DMD: variants seen among roughly 807,000 people sequenced by gnomAD.
DMD encodes dystrophin, also known as mutant dystrophin.
Under a neutral mutation model 330.1 loss-of-function variants are expected in DMD, and 63 were observed. The observed-to-expected ratio is 0.19, with a 90% confidence interval of 0.16 to 0.24. The LOEUF is 0.24. Among genes scored for constraint, DMD ranks in the 10% least tolerant of loss-of-function variants. The pLI, the probability that DMD is intolerant of heterozygous loss-of-function variation, is 1.00. For synonymous variants in DMD, 1,223 were observed against 959.8 expected, an observed-to-expected ratio of 1.27 and a Z score of -5.07; for missense variants, 3,344 against 2,684.1, an observed-to-expected ratio of 1.25 and a Z score of -5.43.
intron 26 of DMD, among the ~76,000 whole-genome samples, chrX:32,449,479 T>A (rs534868807): frequency 9.1e-6 from 1 of 109,907 alleles, no homozygotes; most frequent in East Asian, 2.9e-4. Context: ...CTGGACAAGA[T>A]ACGATACCCA....
intron 55 of DMD, among the ~76,000 whole-genome samples, chrX:31,529,894 C>G (rs1382621598): frequency 2.3e-5 from 2 of 88,121 alleles, no homozygotes; most frequent in Non-Finnish European, 4.3e-5. Context: ...AGAAAGATTT[C>G]TTTAAAAAAA....
chrX:32,677,536 TTTTG>T (rs1231739037), intron 9 of DMD, among the ~76,000 whole-genome samples: 1 of 111,728 alleles, frequency 9.0e-6, no homozygotes, highest in Non-Finnish European at 1.9e-5. Context: ...GGCACTGGAA[TTTTG>T]TTTCTTTCTA....
intron 16 of DMD, among the ~76,000 whole-genome samples, chrX:32,554,882 A>T: frequency 7.6e-5 from 1 of 13,101 alleles, no homozygotes; most frequent in Non-Finnish European, 1.2e-4. Flanking sequence ...AGGAAAGAAG[A>T]AAGAAAGAAA....
At chrX:32,197,685 T>C (rs1230770614) in intron 44 of DMD, among the ~76,000 whole-genome samples, 2 of 112,094 alleles carry the variant, frequency 1.8e-5, no homozygotes, top group African/African-American at 6.5e-5. Context: ...ATTTTATTTA[T>C]TTCAAATAAT....
rs2091980482 is a variant in DMD, at chrX:32,963,365, C to T, written c.93+56774G>A. Among the ~76,000 whole-genome samples, 3 of 111,866 alleles carry T rather than the reference C, an allele frequency of 2.7e-5. No individual in the cohort carries two copies. In the Admixed American group the frequency reaches 2.9e-4, roughly 11 times the overall value. ...CAAGAGGAAGAACACGTTGAGGTTG[C>T]ATACTAAGGTGTATTTTATATCTGA... On this transcript the variant is annotated intron_variant, in intron 2 of 78. Transcript: ENST00000357033.
chrX:31,736,853 G>A (rs1338018573), intron 51 of DMD, among the ~76,000 whole-genome samples: 2 of 110,274 alleles, frequency 1.8e-5, no homozygotes, highest in Non-Finnish European at 3.8e-5. Context: ...CCACCTATTC[G>A]GTTTACTATT....
intron 13 of DMD, among the ~76,000 whole-genome samples, chrX:32,579,174 C>A (rs1455108484): frequency 8.9e-6 from 1 of 111,868 alleles, no homozygotes; most frequent in Non-Finnish European, 1.9e-5. Context: ...AAGCACCATA[C>A]TATAAAATGG....
intron 2 of DMD, among the ~76,000 whole-genome samples, chrX:33,018,416 C>T (rs1489817762): frequency 9.0e-6 from 1 of 111,249 alleles, no homozygotes; most frequent in East Asian, 2.8e-4. Flanking sequence ...AAAAATATAC[C>T]GAATTGCTCT....
chrX:31,826,041 T>C (rs899480854), intron 49 of DMD, among the ~76,000 whole-genome samples: 1 of 112,300 alleles, frequency 8.9e-6, no homozygotes, highest in African/African-American at 3.2e-5. Context: ...CTCATTAAAA[T>C]AGTTACGATA....
At chrX:33,092,589 A>G (rs1165938062) in intron 1 of DMD, among the ~76,000 whole-genome samples, 1 of 110,976 alleles carries the variant, frequency 9.0e-6, no homozygotes, top group East Asian at 2.8e-4. Flanking sequence ...ATAACATACG[A>G]ATCAATTATT....
intron 44 of DMD, among the ~76,000 whole-genome samples, chrX:32,149,015 A>G (rs1481697856): frequency 8.9e-6 from 1 of 112,153 alleles, no homozygotes; most frequent in Non-Finnish European, 1.9e-5. Context: ...ATTTTCTTTT[A>G]TACCATTTTC....
chrX:31,800,397 T>A lies in DMD; in HGVS notation c.7309+19578A>T, dbSNP rs987630312. On this transcript the variant is annotated intron_variant, in intron 50 of 78. Transcript: ENST00000357033. ...GCCTGCACCCTCTGAAGCAACAGCC[T>A]GAGCTGTACTTTGGCTTCTTTGAGC... 3.6e-5 allele frequency among the ~76,000 whole-genome samples: 4 copies of A among 112,655 alleles called. No homozygotes were observed. The East Asian group carries it at 1.1e-3, about 32-fold the overall frequency.
chrX:31,809,975 C>T (rs1195471764), intron 50 of DMD, among the ~76,000 whole-genome samples: 1 of 110,737 alleles, frequency 9.0e-6, no homozygotes, highest in Admixed American at 9.7e-5. Context: ...GTCAAGCACG[C>T]GATCATTTAA....
At position 32,668,509 on chromosome X, in the gene DMD, T is replaced by C. The variant is rs1364684305; in HGVS notation, c.961-23357A>G. Among the ~76,000 whole-genome samples the C allele has an allele frequency of 2.7e-5, 3 of 112,263 alleles. No individual in the cohort carries two copies. The Admixed American group carries it at 2.8e-4, about 11-fold the overall frequency. ...GGCTTAAAAGGTTCCTTCGCATCTCTGCATTATTCACACATTGCTGTAGAA... is the reference window on the plus strand; with the variant it reads ...GGCTTAAAAGGTTCCTTCGCATCTCCGCATTATTCACACATTGCTGTAGAA... On this transcript the variant is annotated intron_variant, in intron 9 of 78. Coordinates refer to ENST00000357033, the MANE Select transcript of DMD (RefSeq NM_004006.3).
rs765678545 is a variant in DMD, at chrX:31,146,430, G to T, written c.10798-16C>A. ...CTGCCTGGGGCTAAGTCATCCAAAAGAAAACAGAATTACTTTTCATAATAA... is the reference window on the plus strand; with the variant it reads ...CTGCCTGGGGCTAAGTCATCCAAAATAAAACAGAATTACTTTTCATAATAA... On this transcript the variant is annotated splice_polypyrimidine_tract_variant and intron_variant, in intron 75 of 78. Transcript: ENST00000357033. 2 of 1,203,190 alleles carry T rather than the reference G, an allele frequency of 1.7e-6. No individual in the cohort carries two copies. Among genetic ancestry groups the T allele is most frequent in the Admixed American group, 4.4e-5 (2 of 45,901 alleles).
At chrX:32,668,586 T>C (rs1034169497) in intron 9 of DMD, among the ~76,000 whole-genome samples, 19 of 111,895 alleles carry the variant, frequency 1.7e-4, no homozygotes, top group South Asian at 3.7e-4. Context: ...CAGCAGGTTA[T>C]CATATGAATA....
chrX:31,403,689 G>A (rs1483358576), intron 60 of DMD, among the ~76,000 whole-genome samples: 1 of 111,456 alleles, frequency 9.0e-6, no homozygotes, highest in East Asian at 2.8e-4. Context: ...CTATTTGTAG[G>A]GTTTAAAACA....
At chrX:31,155,018 A>T (rs2068853095) in intron 74 of DMD, among the ~76,000 whole-genome samples, 1 of 112,048 alleles carries the variant, frequency 8.9e-6, no homozygotes, top group Admixed American at 9.5e-5. Context: ...AAGAATATAA[A>T]CTCTGTTGTC....
chrX:32,068,952 T>A (rs1304641682), intron 44 of DMD, among the ~76,000 whole-genome samples: 3 of 111,487 alleles, frequency 2.7e-5, no homozygotes, highest in Non-Finnish European at 5.7e-5. Flanking sequence ...ATATTTGCAA[T>A]CAATATTGTT....
Sources: gnomAD v4.1 joint callset for allele counts (sites outside exome capture counted in the v4.1 genomes callset) on GRCh38, gnomAD v4.1.1 for gene constraint, MANE v1.5 for transcripts, NCBI Gene and HGNC (gene_info 2026-07-23, HGNC 2026-07-21) for gene names.